Variants in FTCDNL1 observed in about 807,000 individuals in gnomAD.
FTCDNL1 encodes the protein formiminotransferase N-terminal subdomain-containing protein.
Under a neutral mutation model 5.9 loss-of-function variants are expected in FTCDNL1, and 11 were observed. The observed-to-expected ratio is 1.87, with a 90% CI of 1.18 to 3.10. The LOEUF (loss-of-function observed/expected upper bound fraction) is 3.10. FTCDNL1 is among the 30% of genes most tolerant of loss of function. The pLI is 0.00. For missense variants in FTCDNL1, 115 were observed against 65.5 expected, an observed-to-expected ratio of 1.76 and a Z score of -2.61; for synonymous variants, 58 against 24.8, an observed-to-expected ratio of 2.34 and a Z score of -3.99.
At chr2:199,728,644 G>A in the FTCDNL1 span, among the ~76,000 whole-genome samples, 9 of 152,262 alleles carry the variant, frequency 5.9e-5, no homozygotes, top group East Asian at 1.7e-3. Flanking sequence ...ATGCAAAGTG[G>A]GAGAGAGGGA....
the FTCDNL1 span, among the ~76,000 whole-genome samples, chr2:199,711,117 G>A: frequency 1.3e-5 from 2 of 152,132 alleles, no homozygotes; most frequent in Admixed American, 1.3e-4. Context: ...TCAATAGGGT[G>A]CAGCCTTCTG....
chr2:199,671,851 C>G, the FTCDNL1 span, among the ~76,000 whole-genome samples: 1 of 152,166 alleles, frequency 6.6e-6, no homozygotes, highest in East Asian at 1.9e-4. Flanking sequence ...CTCTTCCTGT[C>G]AGATCAAAGA....
At chr2:199,749,000 T>C in the FTCDNL1 span, among the ~76,000 whole-genome samples, 1 of 152,162 alleles carries the variant, frequency 6.6e-6, no homozygotes, top group Non-Finnish European at 1.5e-5. Flanking sequence ...GAAGTTGGAC[T>C]CTCTCAGCCC....
chr2:199,742,610 G>A, the FTCDNL1 span, among the ~76,000 whole-genome samples: 86,715 of 152,072 alleles, frequency 0.57, 28,122 homozygotes, highest in Non-Finnish European at 0.72. Context: ...GTTTTTTATG[G>A]AATACATTGT....
At chr2:199,832,527 G>A (rs1170631141) in intron 3 of FTCDNL1, among the ~76,000 whole-genome samples, 1 of 152,168 alleles carries the variant, frequency 6.6e-6, no homozygotes, top group African/African-American at 2.4e-5. Flanking sequence ...ACTGATGAAG[G>A]AGAAGCTGTC....
At chr2:199,789,668 C>A (rs1481259982) in intron 3 of FTCDNL1, among the ~76,000 whole-genome samples, 1 of 152,058 alleles carries the variant, frequency 6.6e-6, no homozygotes, top group Non-Finnish European at 1.5e-5. Flanking sequence ...TACAAAATTA[C>A]TTCTTTTCAT....
downstream of FTCDNL1, among the ~76,000 whole-genome samples, chr2:199,807,997 C>T (rs1248075069): frequency 2.6e-5 from 4 of 152,070 alleles, no homozygotes; most frequent in Non-Finnish European, 5.9e-5. Context: ...TAGTACCATC[C>T]TCTTGGTACT....
intron 3 of FTCDNL1, among the ~76,000 whole-genome samples, chr2:199,834,145 C>T (rs1046298095): frequency 1.3e-5 from 2 of 152,088 alleles, no homozygotes; most frequent in Middle Eastern, 3.4e-3. Context: ...CTGGGGTCCT[C>T]ATAAAAAGGG....
chr2:199,844,148 T>A (rs1218793769), intron 3 of FTCDNL1, among the ~76,000 whole-genome samples: 1 of 151,466 alleles, frequency 6.6e-6, no homozygotes, highest in Non-Finnish European at 1.5e-5. Flanking sequence ...TTGTGAGGGA[T>A]AAAATTATTG....
chr2:199,686,205 G>A, the FTCDNL1 span, among the ~76,000 whole-genome samples: 2 of 89,422 alleles, frequency 2.2e-5, no homozygotes, highest in Admixed American at 2.2e-4. Flanking sequence ...GAAACCTTTG[G>A]TAGTCACATT....
intron 3 of FTCDNL1, among the ~76,000 whole-genome samples, chr2:199,803,037 T>TA (rs146863149): frequency 0.019 from 2,920 of 150,426 alleles, 87 homozygotes; most frequent in African/African-American, 0.067. Flanking sequence ...TAAAAAGAAA[T>TA]AAAAAAATTA....
At chr2:199,673,989 T>C in the FTCDNL1 span, among the ~76,000 whole-genome samples, 1 of 152,174 alleles carries the variant, frequency 6.6e-6, no homozygotes, top group Admixed American at 6.5e-5. Flanking sequence ...CCCAAGTCTA[T>C]GGAAATGTAT....
intron 3 of FTCDNL1, among the ~76,000 whole-genome samples, chr2:199,825,807 A>C (rs1447641344): frequency 6.6e-6 from 1 of 152,190 alleles, no homozygotes; most frequent in Non-Finnish European, 1.5e-5. Context: ...ATAGATTACC[A>C]GGTCTGGAGT....
the FTCDNL1 span, among the ~76,000 whole-genome samples, chr2:199,732,381 G>T: frequency 3.3e-5 from 5 of 152,118 alleles, no homozygotes; most frequent in African/African-American, 1.2e-4. Context: ...AATTCCACAA[G>T]TATTTATCAA....
At chr2:199,691,665 C>T in the FTCDNL1 span, among the ~76,000 whole-genome samples, 2 of 152,306 alleles carry the variant, frequency 1.3e-5, no homozygotes, top group South Asian at 2.1e-4. Flanking sequence ...TAAGCACTTA[C>T]AAAACTGTTG....
chr2:199,767,792 C>G (rs1698606226), intron 3 of FTCDNL1, among the ~76,000 whole-genome samples: 1 of 152,204 alleles, frequency 6.6e-6, no homozygotes, highest in African/African-American at 2.4e-5. Flanking sequence ...TAATCTTGGA[C>G]TTCCCAGCCT....
chr2:199,765,548 A>ATTTTTTTTTTT (rs1242013383), intron 3 of FTCDNL1, among the ~76,000 whole-genome samples: 1 of 54,848 alleles, frequency 1.8e-5, no homozygotes, highest in African/African-American at 4.7e-5. Context: ...ATATATATAT[A>ATTTTTTTTTTT]TATATATATT....
At chr2:199,793,078 A>G (rs367680015) in intron 3 of FTCDNL1, among the ~76,000 whole-genome samples, 14 of 152,200 alleles carry the variant, frequency 9.2e-5, no homozygotes, top group African/African-American at 3.1e-4. Context: ...TCATTTGCCT[A>G]CAAGGACCCA....
intron 4 of FTCDNL1, 175 bp downstream of exon 4, chr2:199,819,397 C>T (rs930438381): frequency 2.7e-5 from 16 of 591,990 alleles, no homozygotes; most frequent in Non-Finnish European, 3.6e-5. Flanking sequence ...TCTAGGCTCA[C>T]AGGTTAGCTT....
Sources: gnomAD v4.1 joint callset for allele counts (sites outside exome capture counted in the v4.1 genomes callset) on GRCh38, gnomAD v4.1.1 for gene constraint, MANE v1.5 for transcripts, NCBI Gene and HGNC (gene_info 2026-07-23, HGNC 2026-07-21) for gene names.